The following KPNA7 variants were observed in gnomAD, a reference collection of about 807,000 sequenced individuals.
KPNA7 encodes the protein importin subunit alpha-8.
Under a neutral mutation model 53.7 loss-of-function variants are expected in KPNA7, and 54 were observed. The observed-to-expected ratio is 1.01, with a 90% CI of 0.81 to 1.26. The LOEUF is 1.26. Among genes scored for constraint, KPNA7 ranks in the 50% most tolerant of loss-of-function variants. The pLI is 0.00. For synonymous variants in KPNA7, 276 were observed against 259.3 expected (o/e 1.06, Z -0.62); for missense variants, 640 against 644.5 (o/e 0.99, Z 0.07).
At chr7:99,180,811 G>A (rs1164880670) in intron 9 of KPNA7, among the ~76,000 whole-genome samples, 1 of 7,856 alleles carries the variant, frequency 1.3e-4, no homozygotes, top group African/African-American at 3.0e-4. Context: ...CTCTCTCCCC[G>A]TCTGTGTCTC....
Position 99,181,112 on chromosome 7 carries a change from TCC to T in KPNA7, c.1317+769_1317+770del, listed in dbSNP as rs1491367449. 5.6e-4 allele frequency among the ~76,000 whole-genome samples: 11 copies of T among 19,578 alleles called. 2 individuals carry two copies. Among genetic ancestry groups the T allele is most frequent in the African/African-American group, 1.2e-3 (9 of 7,278 alleles). The allele number at this position is 19,578 out of a possible 152,430, so 12.8% of individuals were successfully genotyped here. A position where few individuals can be genotyped will look rare whatever the true frequency, so the allele number is the denominator to read the frequency against. ...CTCTCTCTCCGTCTGTGTCTCTCTC[TCC>T]GTCTGTGTCTCTCTCTCCGTCTGTG... On this transcript the variant is annotated intron_variant, in intron 9 of 10. Coordinates refer to ENST00000327442, the MANE Select transcript of KPNA7 (RefSeq NM_001145715.3).
In KPNA7 at chr7:99,188,374, T is replaced by C. The variant is rs745528364; in HGVS notation, c.826A>G (p.Ile276Val). Reference sequence around the variant, plus strand: ...ACCCCCGTGTTAACCACTTGGCCGATGCGCTTGTTGGAGCCGTCGGTGAGG... The same window carrying C: ...ACCCCCGTGTTAACCACTTGGCCGACGCGCTTGTTGGAGCCGTCGGTGAGG... Reference protein sequence around the residue: ...SYLTDGSNKRIGQVVNTGVLP... With the variant: ...SYLTDGSNKRVGQVVNTGVLP... The change falls in exon 7 of 11, where the codon ATC (isoleucine) becomes GTC (valine). Residue 276 changes from isoleucine (I) to valine (V), a missense_variant. Physicochemically the swap from Ile to Val is conservative, Grantham distance 29. Coordinates refer to ENST00000327442, the MANE Select transcript of KPNA7 (RefSeq NM_001145715.3). The C allele has an allele frequency of 6.9e-5, 107 of 1,551,462 alleles. No individual in the cohort carries two copies. The African/African-American group carries it at 7.3e-4, about 11-fold the overall frequency.
At position 99,173,805 on chromosome 7, in the gene KPNA7, G is replaced by C. The variant is rs759978557; in HGVS notation, c.1465-11C>G. 23 of 1,468,014 alleles carry C rather than the reference G, an allele frequency of 1.6e-5. No individual in the cohort carries two copies. Among genetic ancestry groups the C allele is most frequent in the Non-Finnish European group, 2.1e-5 (23 of 1,071,116 alleles). 90.9% of individuals were successfully genotyped at this position (1,468,014 alleles called of 1,614,324 possible). ...GCTCTCATCTTCTTCCTTCAGGAGA[G>C]AATAGACACTGTTATACCTCCAGGA... is the stretch of plus-strand genomic sequence containing the variant. On this transcript the variant is annotated splice_polypyrimidine_tract_variant and intron_variant, in intron 10 of 10. Coordinates refer to ENST00000327442, the MANE Select transcript of KPNA7 (RefSeq NM_001145715.3).
At chr7:99,212,372 T>C (rs1791099479), upstream of KPNA7, among the ~76,000 whole-genome samples, 1 of 150,758 alleles carries the variant, frequency 6.6e-6, no homozygotes, top group Non-Finnish European at 1.5e-5. Flanking sequence ...GCCTCCCACG[T>C]AGCTGGGATT....
chr7:99,164,455 A>G, the KPNA7 span, among the ~76,000 whole-genome samples: 3 of 151,986 alleles, frequency 2.0e-5, no homozygotes, highest in Non-Finnish European at 4.4e-5. Context: ...ACATGGACAC[A>G]GGAAGGGGAA....
chr7:99,150,407 C>T, the KPNA7 span, among the ~76,000 whole-genome samples: 7 of 124,044 alleles, frequency 5.6e-5, no homozygotes, highest in Non-Finnish European at 8.3e-5. Flanking sequence ...CTGGAAACTT[C>T]ATGAATCATT....
At chr7:99,205,410 CAAAAAAA>C (rs61410237) in intron 2 of KPNA7, among the ~76,000 whole-genome samples, 55,995 of 109,508 alleles carry the variant, frequency 0.51, 15,084 homozygotes, top group East Asian at 0.67. Flanking sequence ...GACTCCATCT[CAAAAAAA>C]AAAAAAAAAA....
intron 10 of KPNA7, among the ~76,000 whole-genome samples, chr7:99,176,977 C>T (rs553037270): frequency 9.9e-5 from 15 of 152,276 alleles, no homozygotes; most frequent in Non-Finnish European, 2.1e-4. Flanking sequence ...AGAAGAAACT[C>T]ACATGTCGAT....
At chr7:99,191,663 G>A (rs757370239) in intron 6 of KPNA7, among the ~76,000 whole-genome samples, 1 of 151,764 alleles carries the variant, frequency 6.6e-6, no homozygotes, top group Non-Finnish European at 1.5e-5. Context: ...ATCTTGAAGA[G>A]TTTTGAGACA....
rs1053766009 is a variant in KPNA7, at chr7:99,208,099, CAG to C, written c.-97_-96del. Among the ~76,000 whole-genome samples the C allele has an allele frequency of 7.9e-5, 12 of 152,038 alleles. No homozygotes were observed. The highest frequency in any genetic ancestry group is 1.2e-4 in the Non-Finnish European group (8 of 68,024). On this transcript the variant is annotated 5_prime_UTR_variant, in exon 1 of 11. Coordinates refer to ENST00000327442, the MANE Select transcript of KPNA7 (RefSeq NM_001145715.3). ...TTCTGCAAGACCTGCTTGTTGGCAT[CAG>C]AGTCTCACTCTGTCACCCGGGCTGG...
At chr7:99,216,225 T>C (rs1201924493) in intron 1 of KPNA7, among the ~76,000 whole-genome samples, 1 of 152,016 alleles carries the variant, frequency 6.6e-6, no homozygotes, top group Non-Finnish European at 1.5e-5. Context: ...ACAGGTGTCT[T>C]GCTACATTGC....
chr7:99,213,451 AAAAAAAG>A (rs1267248369), intron 1 of KPNA7, among the ~76,000 whole-genome samples: 8 of 143,522 alleles, frequency 5.6e-5, no homozygotes, highest in Admixed American at 5.5e-4. Context: ...AAAAAAAAAA[AAAAAAAG>A]AGAGAGAGAC....
At chr7:99,173,062 CA>C (rs923484332), downstream of KPNA7, among the ~76,000 whole-genome samples, 143 of 57,168 alleles carry the variant, frequency 2.5e-3, no homozygotes, top group Middle Eastern at 0.02. Context: ...AACTCCATCT[CA>C]AAAAAAAAAA....
At chr7:99,218,093 T>G (rs1791258662) in intron 1 of KPNA7, among the ~76,000 whole-genome samples, 1 of 152,010 alleles carries the variant, frequency 6.6e-6, no homozygotes. Context: ...TCAAACTCCC[T>G]GGCTCAGGCA....
At chr7:99,215,369 CAAAAAAAAA>C (rs533680824) in intron 1 of KPNA7, among the ~76,000 whole-genome samples, 29 of 52,070 alleles carry the variant, frequency 5.6e-4, no homozygotes, top group African/African-American at 1.6e-3. Flanking sequence ...GAGACTGTCT[CAAAAAAAAA>C]AAAAAAAAAA....
intron 10 of KPNA7, among the ~76,000 whole-genome samples, chr7:99,177,436 G>A (rs940268903): frequency 3.3e-5 from 5 of 151,994 alleles, no homozygotes; most frequent in Non-Finnish European, 7.4e-5. Flanking sequence ...TTAGCTGGGC[G>A]TCGTAGTACA....
At chr7:99,177,115 A>G (rs6958790) in intron 10 of KPNA7, among the ~76,000 whole-genome samples, 29,982 of 152,180 alleles carry the variant, frequency 0.2, 3,093 homozygotes, top group South Asian at 0.33. Context: ...GAGGAAATAT[A>G]TCAGTCACAA....
At chr7:99,215,753 A>G (rs1791203089) in intron 1 of KPNA7, among the ~76,000 whole-genome samples, 1 of 152,212 alleles carries the variant, frequency 6.6e-6, no homozygotes, top group African/African-American at 2.4e-5. Context: ...TGGGAGGATT[A>G]TTTGAGACCA....
At chr7:99,160,199 T>G in the KPNA7 span, among the ~76,000 whole-genome samples, 1 of 151,430 alleles carries the variant, frequency 6.6e-6, no homozygotes. Flanking sequence ...TAATTTTTTT[T>G]GTATTTTTAG....
Sources: allele counts gnomAD v4.1 joint callset (sites outside exome capture counted in the v4.1 genomes callset), GRCh38; gene constraint gnomAD v4.1.1; transcripts MANE v1.5; gene names NCBI Gene and HGNC (gene_info 2026-07-23, HGNC 2026-07-21).